The following GRIPAP1 variants were observed in gnomAD, a reference collection of about 807,000 sequenced individuals.
GRIPAP1 encodes GRIP1 associated protein 1.
In GRIPAP1, 14 loss-of-function variants were observed where a neutral mutation model predicts 84.1. That is an observed-to-expected ratio of 0.17 (90% CI 0.11 to 0.26). The LOEUF is 0.26. Among genes scored for constraint, GRIPAP1 ranks in the 10% least tolerant of loss-of-function variants. The pLI, the probability that GRIPAP1 is intolerant of heterozygous loss-of-function variation, is 1.00. For synonymous variants in GRIPAP1, 261 were observed against 256.8 expected, an observed-to-expected ratio of 1.02 and a Z score of -0.15; for missense variants, 518 against 674.2, an observed-to-expected ratio of 0.77 and a Z score of 2.57.
Position 48,983,824 on chromosome X carries a change from A to G in GRIPAP1, c.1223T>C (p.Ile408Thr). The G allele has an allele frequency of 8.4e-7, 1 of 1,194,712 alleles. No homozygotes were observed. Among genetic ancestry groups the G allele is most frequent in the South Asian group, 1.8e-5 (1 of 56,507 alleles). Reference protein sequence around the residue: ...NSRLLEQLQEIGQEKEQLTQE... With the variant: ...NSRLLEQLQETGQEKEQLTQE... ...GGTCAACTGCTCCTTCTCCTGCCCT[A>G]TTTCTTGAAGTTGTTCCAGCAGTCG... The change falls in exon 15 of 26, where the codon ATA (isoleucine) becomes ACA (threonine). Residue 408 changes from isoleucine (I) to threonine (T), a missense_variant. By Grantham distance (89) the Ile-to-Thr change is moderately conservative. This residue lies in a region of GRIPAP1 where 372 missense variants were observed against 458.1 expected (regional missense o/e 0.81). Transcript: ENST00000376423.
chrX:48,999,548 C>A, intron 1 of GRIPAP1, 44 bp from the exon 2 acceptor site: 1 of 951,308 alleles, frequency 1.1e-6, no homozygotes, highest in South Asian at 2.0e-5. Context: ...CAGGAAAGCG[C>A]CCCTACCCCT....
chrX:48,974,406 G>C (rs782407161), intron 25 of GRIPAP1, 121 bp from the exon 26 acceptor site: 58 of 477,260 alleles, frequency 1.2e-4, no homozygotes, highest in Non-Finnish European at 2.1e-4. Context: ...AGCTGTGTCT[G>C]GCCTGGGATG....
rs2064470065 is a variant in GRIPAP1, at chrX:48,983,558, T to C, written c.1273-118A>G. 5 of 592,728 alleles carry C rather than the reference T, an allele frequency of 8.4e-6. No homozygotes were observed. The Admixed American group carries it at 1.5e-4, about 17-fold the overall frequency. 48.8% of individuals were successfully genotyped at this position (592,728 alleles called of 1,213,427 possible). ...CCACTCCCTCCCATCCCCACTGAACTGGCTAAGGCACTCACCCATCCTTAT... is the reference window on the plus strand; with the variant it reads ...CCACTCCCTCCCATCCCCACTGAACCGGCTAAGGCACTCACCCATCCTTAT... On this transcript the variant is annotated intron_variant, in intron 15 of 25. Coordinates refer to ENST00000376423, the MANE Select transcript of GRIPAP1 (RefSeq NM_020137.5).
At chrX:48,985,124 G>A in intron 14 of GRIPAP1, 144 bp downstream of exon 14, 1 of 425,903 alleles carries the variant, frequency 2.3e-6, no homozygotes, top group Non-Finnish European at 4.1e-6. Flanking sequence ...ACTTGTCCCA[G>A]AACACACAGG....
At chrX:48,996,212 T>A (rs1324572933) in intron 5 of GRIPAP1, among the ~76,000 whole-genome samples, 2 of 112,282 alleles carry the variant, frequency 1.8e-5, no homozygotes, top group Non-Finnish European at 3.8e-5. Context: ...ACCTACTACT[T>A]GCTCAACTGC....
chrX:48,985,964 C>A (rs1023516669), intron 13 of GRIPAP1, among the ~76,000 whole-genome samples: 1 of 111,070 alleles, frequency 9.0e-6, no homozygotes, highest in East Asian at 2.8e-4. Context: ...AAGCAGAAGC[C>A]GGGCGCGGTG....
intron 1 of GRIPAP1, chrX:49,000,449 C>T (rs1486371971): frequency 3.9e-5 from 4 of 103,588 alleles, no homozygotes; most frequent in Admixed American, 2.1e-4. Flanking sequence ...CAAACACTTT[C>T]GGAGGCCAAA....
chrX:48,977,471 C>CG (rs1343806162), intron 22 of GRIPAP1: 1 of 109,317 alleles, frequency 9.1e-6, no homozygotes, highest in Non-Finnish European at 1.9e-5. Flanking sequence ...ACTACAGGCA[C>CG]GCACCACCAC....
At chrX:48,991,788 C>T (rs782727480) in intron 6 of GRIPAP1, among the ~76,000 whole-genome samples, 103 of 110,083 alleles carry the variant, frequency 9.4e-4, no homozygotes, top group African/African-American at 3.2e-3. Flanking sequence ...TGCAGTGAGC[C>T]GCGATCGAGC....
At chrX:48,998,408 C>G (rs1207777208) in intron 3 of GRIPAP1, among the ~76,000 whole-genome samples, 4 of 112,252 alleles carry the variant, frequency 3.6e-5, no homozygotes, top group African/African-American at 1.3e-4. Flanking sequence ...GGGGCCCCAG[C>G]ACACATAAAT....
At chrX:49,000,374 A>G (rs1557068202) in intron 1 of GRIPAP1, among the ~76,000 whole-genome samples, 1 of 96,654 alleles carries the variant, frequency 1.0e-5, no homozygotes, top group African/African-American at 3.8e-5. Flanking sequence ...CAAAAAAAAA[A>G]AAAAAAAAAA....
At chrX:48,975,986 C>T (rs1557060332) in intron 24 of GRIPAP1, 32 bp downstream of exon 24, 1 of 1,141,120 alleles carries the variant, frequency 8.8e-7, no homozygotes, top group Non-Finnish European at 1.2e-6. Context: ...GAAGGCTGGA[C>T]CAGGGCTGAG....
intron 21 of GRIPAP1, chrX:48,980,742 G>A (rs1446168320): frequency 1.6e-5 from 2 of 122,639 alleles, no homozygotes; most frequent in African/African-American, 6.6e-5. Context: ...AATTAGCTGG[G>A]CGTGGTGGTG....
At chrX:48,994,722 C>G (rs782770408) in intron 5 of GRIPAP1, among the ~76,000 whole-genome samples, 1 of 111,869 alleles carries the variant, frequency 8.9e-6, no homozygotes, top group Non-Finnish European at 1.9e-5. Context: ...TCTTTTGTAA[C>G]AAGCACAGAT....
At chrX:48,981,504 G>C (rs2064456852) in intron 19 of GRIPAP1, 32 bp from the exon 20 acceptor site, 1 of 1,191,768 alleles carries the variant, frequency 8.4e-7, no homozygotes, top group African/African-American at 1.7e-5. Flanking sequence ...GCTGGTAGAT[G>C]CCGGAAGGGC....
intron 5 of GRIPAP1, among the ~76,000 whole-genome samples, chrX:48,994,219 C>CTTTTTTT (rs200273142): frequency 1.1e-5 from 1 of 95,178 alleles, no homozygotes; most frequent in African/African-American, 4.3e-5. Flanking sequence ...TATTTTCTTT[C>CTTTTTTT]TTTTTTTTTT....
chrX:48,981,949 T>TG, intron 17 of GRIPAP1, 77 bp from the exon 18 acceptor site: 9 of 699,024 alleles, frequency 1.3e-5, no homozygotes, highest in Non-Finnish European at 2.0e-5. Flanking sequence ...GGGACTGCAA[T>TG]GGGGGCCCAG....
At position 48,986,615 on chromosome X, in the gene GRIPAP1, G is replaced by A. The variant is rs782625940; in HGVS notation, c.1041+1170C>T. 5.5e-5 allele frequency among the ~76,000 whole-genome samples: 6 copies of A among 109,048 alleles called. No individual in the cohort carries two copies. In the East Asian group the frequency reaches 1.2e-3, roughly 22 times the overall value. The allele number at this position is 109,048 out of a possible 115,157, so 94.7% of individuals were successfully genotyped here. On this transcript the variant is annotated intron_variant, in intron 13 of 25. Coordinates refer to ENST00000376423, the MANE Select transcript of GRIPAP1 (RefSeq NM_020137.5). ...TCACCATATTGGCCAGGCTGGTCTCGAACTCCGAACCCCAGGTGATCCGCC... is the reference window on the plus strand; with the variant it reads ...TCACCATATTGGCCAGGCTGGTCTCAAACTCCGAACCCCAGGTGATCCGCC...
chrX:48,991,334 C>T (rs782020300), intron 6 of GRIPAP1: 7 of 390,890 alleles, frequency 1.8e-5, no homozygotes, highest in Non-Finnish European at 3.1e-5. Flanking sequence ...GGCTGGAGTG[C>T]ACTGGAATGA....
Sources: gnomAD v4.1 joint callset for allele counts (sites outside exome capture counted in the v4.1 genomes callset) on GRCh38, gnomAD v4.1.1 for gene constraint, gnomAD v4.1.1 regional missense constraint, MANE v1.5 for transcripts, NCBI Gene and HGNC (gene_info 2026-07-23, HGNC 2026-07-21) for gene names.